C9orf85: variants seen among roughly 807,000 people sequenced by gnomAD.
C9orf85 encodes chromosome 9 open reading frame 85.
In C9orf85, 16 loss-of-function variants were observed where a neutral mutation model predicts 14.9. The observed-to-expected ratio is 1.08, with a 90% CI of 0.73 to 1.63. C9orf85 has a LOEUF of 1.63. Among genes scored for constraint, C9orf85 ranks in the 40% most tolerant of loss-of-function variants. The pLI, the probability that C9orf85 is intolerant of heterozygous loss-of-function variation, is 0.00. For synonymous variants in C9orf85, 45 were observed against 56.8 expected, an observed-to-expected ratio of 0.79 and a Z score of 0.93; for missense variants, 172 against 186.1, an observed-to-expected ratio of 0.92 and a Z score of 0.44.
chr9:71,969,708 A>T (rs1822806225), intron 2 of C9orf85, among the ~76,000 whole-genome samples: 1 of 152,176 alleles, frequency 6.6e-6, no homozygotes, highest in African/African-American at 2.4e-5. Flanking sequence ...GTAATCATGT[A>T]TTAAAATAAA....
chr9:71,972,054 T>C (rs1466414908), intron 3 of C9orf85, among the ~76,000 whole-genome samples: 1 of 151,940 alleles, frequency 6.6e-6, no homozygotes, highest in Non-Finnish European at 1.5e-5. Flanking sequence ...TAATATAGAC[T>C]TTTAAAATTA....
rs7037951 is a variant in C9orf85, at chr9:71,913,369, G to A, written c.102+1533G>A. On this transcript the variant is annotated intron_variant, in intron 1 of 3. Transcript: ENST00000334731. ...TCAAAAGAGCTGACTCTCCCTTCACGGAGTTTATAGTTTCTAGGTGATATG... is the reference window on the plus strand; with the variant it reads ...TCAAAAGAGCTGACTCTCCCTTCACAGAGTTTATAGTTTCTAGGTGATATG... Among the ~76,000 whole-genome samples, 1,127 of 152,188 alleles carry A rather than the reference G, an allele frequency of 7.4e-3. 15 individuals carry two copies. The highest frequency in any genetic ancestry group is 0.025 in the African/African-American group (1,054 of 41,510).
intron 2 of C9orf85, among the ~76,000 whole-genome samples, chr9:71,956,780 A>G (rs1564095429): frequency 6.6e-6 from 1 of 152,188 alleles, no homozygotes; most frequent in Non-Finnish European, 1.5e-5. Context: ...AATATTTTAG[A>G]TAAGGGATTC....
chr9:71,953,750 T>C (rs576569995), intron 2 of C9orf85, among the ~76,000 whole-genome samples: 29 of 152,146 alleles, frequency 1.9e-4, no homozygotes, highest in African/African-American at 6.7e-4. Context: ...TCATCTCACC[T>C]CTACTCAGAT....
At chr9:71,916,507 C>G (rs535190516) in intron 1 of C9orf85, among the ~76,000 whole-genome samples, 1 of 152,008 alleles carries the variant, frequency 6.6e-6, no homozygotes, top group Non-Finnish European at 1.5e-5. Flanking sequence ...ACTTGCTTGG[C>G]TATGGAACGC....
downstream of C9orf85, chr9:71,984,158 G>T (rs1482469335): frequency 6.6e-6 from 1 of 152,186 alleles, no homozygotes; most frequent in Non-Finnish European, 1.5e-5. Context: ...GTTTTGTTCT[G>T]TTTGGGGTTT....
chr9:71,967,360 A>G (rs1822722050), intron 2 of C9orf85, among the ~76,000 whole-genome samples: 1 of 152,106 alleles, frequency 6.6e-6, no homozygotes. Flanking sequence ...TCTGGTCTTT[A>G]TTCCATTGAT....
At chr9:71,939,220 TTTC>T (rs1205112790) in intron 1 of C9orf85, among the ~76,000 whole-genome samples, 2 of 151,900 alleles carry the variant, frequency 1.3e-5, no homozygotes, top group Admixed American at 1.3e-4. Flanking sequence ...ATTGTATGAT[TTTC>T]TTATGTGTGA....
intron 3 of C9orf85, chr9:71,982,632 CTTTTTTTTTTTTT>C (rs56038535): frequency 4.0e-6 from 1 of 247,298 alleles, no homozygotes; most frequent in Non-Finnish European, 7.0e-6. Flanking sequence ...TTGTATATTT[CTTTTTTTTTTTTT>C]TTTTTTTTCA....
rs764661189 is a variant in C9orf85, at chr9:71,911,769, G to C, written c.35G>C (p.Arg12Thr). The C allele has an allele frequency of 3.7e-6, 6 of 1,614,024 alleles. No individual in the cohort carries two copies. Among genetic ancestry groups the C allele is most frequent in the African/African-American group, 1.3e-5 (1 of 74,928 alleles). ...SSQKGNVARS[R>T]PQKHQNTFSF... ...CAGAAAGGCAACGTGGCTCGTTCCAGACCTCAGAAGCACCAGAATACGTTT... is the reference window on the plus strand; with the variant it reads ...CAGAAAGGCAACGTGGCTCGTTCCACACCTCAGAAGCACCAGAATACGTTT... The change falls in exon 1 of 4, where the codon AGA becomes ACA. Residue 12 changes from arginine (R) to threonine (T), a missense_variant. By Grantham distance (71) the Arg-to-Thr change is moderately conservative. Coordinates refer to ENST00000334731, the MANE Select transcript of C9orf85 (RefSeq NM_182505.5).
chr9:71,969,892 TTTTG>T (rs1298912618), intron 2 of C9orf85, among the ~76,000 whole-genome samples: 1 of 152,180 alleles, frequency 6.6e-6, no homozygotes, highest in African/African-American at 2.4e-5. Flanking sequence ...GTTATTGATT[TTTTG>T]TTAATTTCAC....
chr9:71,931,668 GGAA>G (rs1294416393), intron 1 of C9orf85, among the ~76,000 whole-genome samples: 1 of 152,006 alleles, frequency 6.6e-6, no homozygotes, highest in Admixed American at 6.6e-5. Flanking sequence ...ATATAAGATA[GGAA>G]TAGTACTATT....
chr9:71,940,292 G>C (rs1275394678), intron 1 of C9orf85, among the ~76,000 whole-genome samples: 1 of 152,120 alleles, frequency 6.6e-6, no homozygotes, highest in Admixed American at 6.5e-5. Context: ...GGTGGGGCCA[G>C]GCACAGTGGT....
At chr9:71,968,153 G>T (rs899293079) in intron 2 of C9orf85, among the ~76,000 whole-genome samples, 1 of 151,948 alleles carries the variant, frequency 6.6e-6, no homozygotes, top group Non-Finnish European at 1.5e-5. Context: ...GAGAGAGTGA[G>T]CAAGCGTGTG....
intron 2 of C9orf85, among the ~76,000 whole-genome samples, chr9:71,952,207 A>G (rs1589262003): frequency 6.6e-6 from 1 of 152,288 alleles, no homozygotes; most frequent in Admixed American, 6.5e-5. Flanking sequence ...TCAGCATTGT[A>G]TTATTCAATT....
intron 2 of C9orf85, among the ~76,000 whole-genome samples, chr9:71,958,265 AATT>A (rs1316056427): frequency 5.1e-5 from 1 of 19,532 alleles, no homozygotes; most frequent in Non-Finnish European, 9.1e-5. Flanking sequence ...TATATATATA[AATT>A]TTTTTTTTTT....
At chr9:71,918,877 T>C (rs1827722384) in intron 1 of C9orf85, among the ~76,000 whole-genome samples, 1 of 152,136 alleles carries the variant, frequency 6.6e-6, no homozygotes, top group South Asian at 2.1e-4. Flanking sequence ...AAATAAAGTG[T>C]ACAATAAATG....
intron 1 of C9orf85, among the ~76,000 whole-genome samples, chr9:71,935,704 A>G (rs2132284162): frequency 6.6e-6 from 1 of 152,170 alleles, no homozygotes. Flanking sequence ...AATTATACAG[A>G]CAGAAAGTGG....
chr9:71,978,840 C>A (rs890441560), intron 3 of C9orf85, among the ~76,000 whole-genome samples: 5 of 152,184 alleles, frequency 3.3e-5, no homozygotes, highest in African/African-American at 1.2e-4. Context: ...TCTAGACCTT[C>A]CTGGCCAACA....
Sources: gnomAD v4.1 joint callset for allele counts (sites outside exome capture counted in the v4.1 genomes callset) on GRCh38, gnomAD v4.1.1 for gene constraint, MANE v1.5 for transcripts, NCBI Gene and HGNC (gene_info 2026-07-23, HGNC 2026-07-21) for gene names.